Variants in RIMBP2 observed in about 807,000 individuals in gnomAD.
RIMBP2 encodes RIMS binding protein 2.
A neutral mutation model predicts 118.6 loss-of-function variants in RIMBP2; 48 were observed. The observed-to-expected ratio is 0.40, with a 90% CI of 0.32 to 0.51. RIMBP2 has a LOEUF of 0.51. Ranked by LOEUF, RIMBP2 falls within the 20% of genes least tolerant of loss-of-function variation. The pLI is 0.41. For missense variants in RIMBP2, 1,551 were observed against 1,768.3 expected (o/e 0.88, Z 2.20); for synonymous variants, 762 against 742.9 (o/e 1.03, Z -0.42).
intron 7 of RIMBP2, among the ~76,000 whole-genome samples, chr12:130,456,007 G>A (rs1300846662): frequency 6.6e-6 from 1 of 152,176 alleles, no homozygotes; most frequent in Non-Finnish European, 1.5e-5. Flanking sequence ...CACTGCCTTT[G>A]CTAGAACAGA....
At chr12:130,700,860 C>T (rs558057866) in intron 1 of RIMBP2, among the ~76,000 whole-genome samples, 4 of 152,328 alleles carry the variant, frequency 2.6e-5, no homozygotes, top group Admixed American at 1.3e-4. Context: ...ACCTTGTGAG[C>T]GCCCACTGCA....
In RIMBP2 at chr12:130,420,751, ACT is replaced by A. The variant is rs1241166153; in HGVS notation, c.3238+1700_3238+1701del. The A allele has an allele frequency of 1.3e-5, 2 of 152,006 alleles. No individual in the cohort carries two copies. Among genetic ancestry groups the A allele is most frequent in the Admixed American group, 6.5e-5 (1 of 15,274 alleles). 9.4% of individuals were successfully genotyped at this position (152,006 alleles called of 1,614,324 possible). ...ACCCAGGACAGTAGATTTAAACCAG[ACT>A]CTGACAGCGAGGGTCACCCTGGCAA... On this transcript the variant is annotated intron_variant, in intron 17 of 22. Transcript: ENST00000690449. This position sits in a 1 kb window ranked among gnomAD's most constrained non-coding sequence, Gnocchi z 4.3.
chr12:130,626,959 A>G (rs568772259), intron 2 of RIMBP2, among the ~76,000 whole-genome samples: 14 of 151,358 alleles, frequency 9.2e-5, no homozygotes, highest in Non-Finnish European at 1.5e-4. Flanking sequence ...TATCACCACG[A>G]CTACCGCCAG....
In RIMBP2 at chr12:130,688,979, C is replaced by G. The variant is rs541537937; in HGVS notation, c.-352+27243G>C. On this transcript the variant is annotated intron_variant, in intron 1 of 22. Transcript: ENST00000690449. The surrounding 1 kb of genome is among the most constrained non-coding windows in gnomAD (Gnocchi z 4.7). ...CAGTGTGCGCCGATATCCTCTGTCC[C>G]TTTTCATTTCTGAAAAGCGCCGGTT... is the stretch of plus-strand genomic sequence containing the variant. Among the ~76,000 whole-genome samples the G allele has an allele frequency of 1.3e-5, 2 of 152,380 alleles. No homozygotes were observed. The highest frequency in any genetic ancestry group is 2.1e-4 in the South Asian group (1 of 4,828).
chr12:130,479,620 A>C (rs547542512), intron 4 of RIMBP2, among the ~76,000 whole-genome samples: 1 of 131,726 alleles, frequency 7.6e-6, no homozygotes, highest in Non-Finnish European at 1.5e-5. Context: ...CCTCGGGCCG[A>C]GTCCGCACCC....
intron 1 of RIMBP2, among the ~76,000 whole-genome samples, chr12:130,707,977 A>G (rs569998916): frequency 1.3e-5 from 2 of 152,170 alleles, no homozygotes; most frequent in Non-Finnish European, 2.9e-5. Context: ...ATTTGCAATA[A>G]TCTCAGGCCT....
chr12:130,473,337 C>T (rs374989324), intron 5 of RIMBP2, among the ~76,000 whole-genome samples: 1 of 152,174 alleles, frequency 6.6e-6, no homozygotes, highest in Non-Finnish European at 1.5e-5. Context: ...CTGGAGCTCC[C>T]GACGCTGGAG....
intron 17 of RIMBP2, among the ~76,000 whole-genome samples, chr12:130,418,693 A>G (rs757153904): frequency 1.7e-4 from 26 of 152,190 alleles, no homozygotes; most frequent in Non-Finnish European, 3.8e-4. Context: ...CAGATTCTAG[A>G]GAGAGTTGGG....
chr12:130,646,454 G>GCCACCTCCCTCT lies in RIMBP2; in HGVS notation c.-351-17999_-351-17998insAGAGGGAGGTGG, dbSNP rs2062976832. On this transcript the variant is annotated intron_variant, in intron 1 of 22. Transcript: ENST00000690449. The stretch of plus-strand genomic sequence containing the variant: ...CTCCACCTCCCTTGCCACCTCCCTC[G>GCCACCTCCCTCT]CCACCTCCCTCGCTACCTCCCTCAC... 2.7e-5 allele frequency among the ~76,000 whole-genome samples: 2 copies of GCCACCTCCCTCT among 73,578 alleles called. 1 individual carries two copies. Among genetic ancestry groups the GCCACCTCCCTCT allele is most frequent in the Non-Finnish European group, 5.7e-5 (2 of 35,170 alleles). 48.3% of individuals were successfully genotyped at this position (73,578 alleles called of 152,430 possible).
rs371792077 is a variant in RIMBP2, at chr12:130,446,195, G to T, written c.582-926C>A. Among the ~76,000 whole-genome samples, 6 of 152,192 alleles carry T rather than the reference G, an allele frequency of 3.9e-5. No individual in the cohort carries two copies. The East Asian group carries it at 7.7e-4, about 20-fold the overall frequency. On this transcript the variant is annotated intron_variant, in intron 9 of 22. Transcript: ENST00000690449. This position sits in a 1 kb window ranked among gnomAD's most constrained non-coding sequence, Gnocchi z 4.1. The stretch of plus-strand genomic sequence containing the variant: ...CAAATTAACTTAAAATAACAGCGAA[G>T]AACTCATTAAAAAATGAAAATAACA...
chr12:130,537,765 C>T (rs1222308715), intron 2 of RIMBP2, among the ~76,000 whole-genome samples: 1 of 152,192 alleles, frequency 6.6e-6, no homozygotes, highest in Non-Finnish European at 1.5e-5. Flanking sequence ...AGCAATACAT[C>T]CTGATTGCTT....
Position 130,530,823 on chromosome 12 carries a change from C to T in RIMBP2, c.-216-12906G>A, listed in dbSNP as rs534148156. On this transcript the variant is annotated intron_variant, in intron 2 of 22. Coordinates refer to ENST00000690449, the MANE Select transcript of RIMBP2 (RefSeq NM_001393629.1). ...TCCTTCCAACCTAGGGGTTTTTCTTCACCACACTTCAAATTCTTGAGCAAG... is the reference window on the plus strand; with the variant it reads ...TCCTTCCAACCTAGGGGTTTTTCTTTACCACACTTCAAATTCTTGAGCAAG... Among the ~76,000 whole-genome samples, 8 of 152,298 alleles carry T rather than the reference C, an allele frequency of 5.3e-5. No individual in the cohort carries two copies. In the South Asian group the frequency reaches 1.4e-3, roughly 28 times the overall value.
rs202154969 is a variant in RIMBP2, at chr12:130,473,934, G to A, written c.103-3191C>T. 7.3e-4 allele frequency among the ~76,000 whole-genome samples: 106 copies of A among 144,650 alleles called. 1 individual carries two copies. Among genetic ancestry groups the A allele is most frequent in the African/African-American group, 2.4e-3 (99 of 40,814 alleles). The allele number at this position is 144,650 out of a possible 152,430, so 94.9% of individuals were successfully genotyped here. A position where few individuals can be genotyped will look rare whatever the true frequency, so the allele number is the denominator to read the frequency against. ...ACATAATAGCCTTAAGACTGAAAGC[G>A]GTCATTCTACCAGTAAGAGGAACTG... is the stretch of plus-strand genomic sequence containing the variant. On this transcript the variant is annotated intron_variant, in intron 5 of 22. Transcript: ENST00000690449.
chr12:130,506,561 C>T (rs2050379581), intron 4 of RIMBP2, 87 bp downstream of exon 4: 6 of 933,588 alleles, frequency 6.4e-6, no homozygotes, highest in Non-Finnish European at 7.7e-6. Flanking sequence ...CTTTACATAC[C>T]TTCTGCTCGG....
rs2077718832 is a variant in RIMBP2 at position 130,438,458 on chromosome 12, G to C, written c.1563C>G (p.Ile521Met). The change falls in exon 12 of 23, where the codon ATC (isoleucine) becomes ATG (methionine). Residue 521 changes from isoleucine to methionine, a missense_variant. Ile to Met is a conservative substitution (Grantham distance 10). This residue lies in a region of RIMBP2 where 1,038 missense variants were observed against 1,125.1 expected (regional missense o/e 0.92). Coordinates refer to ENST00000690449, the MANE Select transcript of RIMBP2 (RefSeq NM_001393629.1). ...GCACAGGTGGTCTCCAGGAGACCCGGATGGTGGCGGGGGTCACCCCAGCCT... is the reference window on the plus strand; with the variant it reads ...GCACAGGTGGTCTCCAGGAGACCCGCATGGTGGCGGGGGTCACCCCAGCCT... ...TVQAGVTPAT[I>M]RVSWRPPVLT... is the part of the protein sequence containing the mutation. 3.1e-6 allele frequency: 5 copies of C among 1,613,316 alleles called. No individual in the cohort carries two copies. Among genetic ancestry groups the C allele is most frequent in the Non-Finnish European group, 3.4e-6 (4 of 1,179,692 alleles).
At chr12:130,493,594 C>A (rs1305312664) in intron 4 of RIMBP2, among the ~76,000 whole-genome samples, 1 of 152,120 alleles carries the variant, frequency 6.6e-6, no homozygotes, top group South Asian at 2.1e-4. Context: ...GGATTCCAGG[C>A]GGGAGCCACC....
chr12:130,661,971 G>A (rs1352019820), intron 1 of RIMBP2, among the ~76,000 whole-genome samples: 2 of 152,168 alleles, frequency 1.3e-5, no homozygotes, highest in Non-Finnish European at 2.9e-5. Context: ...TAGGAGCTCT[G>A]AGTCTCAGCT....
intron 1 of RIMBP2, among the ~76,000 whole-genome samples, chr12:130,654,223 C>A (rs1286038628): frequency 6.6e-6 from 1 of 152,210 alleles, no homozygotes; most frequent in Non-Finnish European, 1.5e-5. Context: ...TAAGTCATTT[C>A]TTTGCTTCTG....
At chr12:130,490,907 G>A (rs544637185) in intron 4 of RIMBP2, among the ~76,000 whole-genome samples, 3 of 152,274 alleles carry the variant, frequency 2.0e-5, no homozygotes, top group East Asian at 3.9e-4. Context: ...CAGTGGGAGG[G>A]TGGGGAGCGA....
Sources: allele counts gnomAD v4.1 joint callset (sites outside exome capture counted in the v4.1 genomes callset), GRCh38; gene constraint gnomAD v4.1.1; regional missense constraint gnomAD v4.1.1; non-coding constraint Gnocchi (gnomAD v3.1); transcripts MANE v1.5; gene names NCBI Gene and HGNC (gene_info 2026-07-23, HGNC 2026-07-21).